Variants in HOPX observed in about 807,000 individuals in gnomAD.
The protein encoded by HOPX is HOP homeobox.
In HOPX, 5 loss-of-function variants were observed where a neutral mutation model predicts 11.8. The ratio of observed to expected loss-of-function variants is 0.43; its 90% CI spans 0.22 to 0.89. The LOEUF (loss-of-function observed/expected upper bound fraction) is 0.89. HOPX is among the 40% of genes least tolerant of loss of function. The pLI is 0.28. For synonymous variants in HOPX, 49 were observed against 49.7 expected (o/e 0.99, Z 0.06); for missense variants, 119 against 120.0 (o/e 0.99, Z 0.04).
chr4:56,672,662 T>C (rs1718801277), intron 1 of HOPX: 1 of 152,120 alleles, frequency 6.6e-6, no homozygotes, highest in South Asian at 2.1e-4. Context: ...CACCTGTCTA[T>C]TTTTGTATTT....
intron 2 of HOPX, 23 bp from the exon 3 acceptor site, chr4:56,656,035 G>A (rs1717681854): frequency 6.5e-7 from 1 of 1,545,426 alleles, no homozygotes; most frequent in Non-Finnish European, 8.7e-7. Context: ...GAGAAGCGGC[G>A]GCGGTGAGCG....
chr4:56,667,382 A>G (rs1718493821), intron 1 of HOPX, among the ~76,000 whole-genome samples: 1 of 152,208 alleles, frequency 6.6e-6, no homozygotes, highest in African/African-American at 2.4e-5. Flanking sequence ...ATCCAGTTTG[A>G]AAAGCCCTGA....
chr4:56,649,896 G>A (rs1716994502), intron 3 of HOPX: 2 of 152,576 alleles, frequency 1.3e-5, no homozygotes, highest in South Asian at 2.1e-4. Flanking sequence ...ACTTTGAAGA[G>A]AGACTAGTGA....
intron 1 of HOPX, among the ~76,000 whole-genome samples, chr4:56,675,090 CT>C (rs1176348484): frequency 1.3e-5 from 2 of 151,544 alleles, no homozygotes; most frequent in African/African-American, 4.9e-5. Flanking sequence ...AGCACCTGAC[CT>C]TGTGATGAAC....
intron 1 of HOPX, among the ~76,000 whole-genome samples, chr4:56,671,016 A>T (rs1354889685): frequency 6.6e-6 from 1 of 151,996 alleles, no homozygotes; most frequent in Non-Finnish European, 1.5e-5. Context: ...CTACACATAC[A>T]ATGGAGAATC....
At chr4:56,668,581 C>T (rs1017732277) in intron 1 of HOPX, among the ~76,000 whole-genome samples, 2 of 152,022 alleles carry the variant, frequency 1.3e-5, no homozygotes, top group African/African-American at 2.4e-5. Context: ...GGGGCCTTGC[C>T]GTGTTGCCCA....
intron 1 of HOPX, chr4:56,676,695 G>A (rs542868875): frequency 6.6e-6 from 1 of 151,852 alleles, no homozygotes; most frequent in Admixed American, 6.5e-5. Context: ...AGGGCTCCCA[G>A]GGACTCAAGA....
intron 1 of HOPX, among the ~76,000 whole-genome samples, chr4:56,666,799 G>A (rs920932215): frequency 3.9e-5 from 6 of 152,110 alleles, no homozygotes; most frequent in Non-Finnish European, 7.3e-5. Flanking sequence ...TATGATGATT[G>A]TTATGAATTC....
At chr4:56,669,856 A>T (rs1216812719) in intron 1 of HOPX, among the ~76,000 whole-genome samples, 2 of 152,146 alleles carry the variant, frequency 1.3e-5, no homozygotes, top group African/African-American at 2.4e-5. Flanking sequence ...TGTTAGGGAT[A>T]AGCAAAATGC....
chr4:56,660,812 C>T (rs1299682493), intron 1 of HOPX, among the ~76,000 whole-genome samples: 2 of 152,092 alleles, frequency 1.3e-5, no homozygotes, highest in African/African-American at 2.4e-5. Flanking sequence ...CACTGGTGAA[C>T]CCCGCTCAAT....
intron 2 of HOPX, 58 bp downstream of exon 2, chr4:56,657,717 C>T: frequency 1.3e-6 from 1 of 752,998 alleles, no homozygotes; most frequent in East Asian, 2.7e-5. Context: ...TCTGTGTGCA[C>T]CCATTGCCCG....
At chr4:56,651,314 T>G (rs1219930766) in intron 3 of HOPX, 1 of 152,964 alleles carries the variant, frequency 6.5e-6, no homozygotes, top group African/African-American at 2.4e-5. Flanking sequence ...GCTCAACTGT[T>G]TTTTGAAGAT....
intron 1 of HOPX, among the ~76,000 whole-genome samples, chr4:56,672,418 A>G (rs1227934526): frequency 6.6e-6 from 1 of 151,996 alleles, no homozygotes; most frequent in Non-Finnish European, 1.5e-5. Flanking sequence ...ACACGCCTGT[A>G]ATCCCAGCTG....
chr4:56,678,115 G>GA (rs1353611595), intron 1 of HOPX, among the ~76,000 whole-genome samples: 1 of 151,602 alleles, frequency 6.6e-6, no homozygotes, highest in African/African-American at 2.4e-5. Context: ...GATTCGCTTG[G>GA]AAGGTGCTGG....
intron 2 of HOPX, among the ~76,000 whole-genome samples, chr4:56,657,432 G>C (rs556700394): frequency 1.3e-5 from 2 of 152,284 alleles, no homozygotes; most frequent in South Asian, 4.1e-4. Flanking sequence ...CCGGCAGAAT[G>C]TACCCAATGC....
chr4:56,672,972 A>G (rs755740020), intron 1 of HOPX, among the ~76,000 whole-genome samples: 2 of 152,224 alleles, frequency 1.3e-5, no homozygotes, highest in Non-Finnish European at 2.9e-5. Context: ...AACTGGTTAC[A>G]TTATGCCTCC....
intron 1 of HOPX, among the ~76,000 whole-genome samples, chr4:56,673,334 G>C (rs1174749399): frequency 6.6e-6 from 1 of 152,166 alleles, no homozygotes; most frequent in Non-Finnish European, 1.5e-5. Flanking sequence ...TAAAACCTAA[G>C]AGGGGGTCTT....
At chr4:56,654,848 G>A (rs1189781934) in intron 3 of HOPX, among the ~76,000 whole-genome samples, 1 of 152,202 alleles carries the variant, frequency 6.6e-6, no homozygotes, top group East Asian at 1.9e-4. Flanking sequence ...TAATGTCTCT[G>A]CTTTAGAGTT....
At chr4:56,657,254 T>C (rs59489941) in intron 2 of HOPX, among the ~76,000 whole-genome samples, 23,481 of 152,162 alleles carry the variant, frequency 0.15, 2,772 homozygotes, top group African/African-American at 0.32. Flanking sequence ...GGCTGTGGGT[T>C]TGGCACACCT....
Sources: allele counts gnomAD v4.1 joint callset (sites outside exome capture counted in the v4.1 genomes callset), GRCh38; gene constraint gnomAD v4.1.1; transcripts MANE v1.5; gene names NCBI Gene and HGNC (gene_info 2026-07-23, HGNC 2026-07-21).